Variants in GRIA2 observed in about 807,000 individuals in gnomAD.
GRIA2 encodes glutamate receptor 2.
GRIA2 carries 14 observed loss-of-function variants against 97.3 expected under a neutral mutation model. That is an observed-to-expected ratio of 0.14 (90% CI 0.10 to 0.23). The LOEUF is 0.23. Among genes scored for constraint, GRIA2 ranks in the 10% least tolerant of loss-of-function variants. The pLI is 1.00. For missense variants in GRIA2, 558 were observed against 1,069.8 expected (o/e 0.52, Z 6.67); for synonymous variants, 412 against 387.8 (o/e 1.06, Z -0.73).
chr4:157,265,854 A>C (rs2126778831), intron 2 of GRIA2, among the ~76,000 whole-genome samples: 1 of 152,262 alleles, frequency 6.6e-6, no homozygotes, highest in African/African-American at 2.4e-5. Context: ...ATATTTAAGC[A>C]TAGTTCAGAA....
At chr4:157,238,846 G>T (rs1400187295) in intron 2 of GRIA2, among the ~76,000 whole-genome samples, 1 of 151,976 alleles carries the variant, frequency 6.6e-6, no homozygotes, top group African/African-American at 2.4e-5. Context: ...TTCATACCCT[G>T]TGCATCATTG....
chr4:157,365,444 C>T lies in GRIA2; in HGVS notation c.*2013C>T, dbSNP rs773394892. 6.6e-6 allele frequency: 1 copy of T among 151,924 alleles called. No individual in the cohort carries two copies. The highest frequency in any genetic ancestry group is 1.5e-5 in the Non-Finnish European group (1 of 67,616). The allele number at this position is 151,924 out of a possible 1,614,324, so 9.4% of individuals were successfully genotyped here. A position where few individuals can be genotyped will look rare whatever the true frequency, so the allele number is the denominator to read the frequency against. On this transcript the variant is annotated 3_prime_UTR_variant, in exon 16 of 16. Transcript: ENST00000264426. The stretch of plus-strand genomic sequence containing the variant: ...ACAATCAATGCTATTTATTGTACCT[C>T]TGGGCCTACTCTTCTAAAAATTGTA...
At chr4:157,268,328 T>C (rs947429750) in intron 2 of GRIA2, among the ~76,000 whole-genome samples, 12 of 152,182 alleles carry the variant, frequency 7.9e-5, no homozygotes, top group African/African-American at 2.6e-4. Context: ...GTTAATAGTA[T>C]CAAATATTAT....
chr4:157,252,697 A>G (rs1731069469), intron 2 of GRIA2, among the ~76,000 whole-genome samples: 1 of 152,286 alleles, frequency 6.6e-6, no homozygotes, highest in Admixed American at 6.5e-5. Flanking sequence ...GATCCAGTCA[A>G]GCACAAGATA....
At chr4:157,272,531 G>A (rs1732080180) in intron 2 of GRIA2, among the ~76,000 whole-genome samples, 2 of 152,036 alleles carry the variant, frequency 1.3e-5, no homozygotes, top group Admixed American at 1.3e-4. Flanking sequence ...AAACTCCAGG[G>A]AGACCCAGTC....
intron 2 of GRIA2, among the ~76,000 whole-genome samples, chr4:157,282,421 G>A (rs1732647998): frequency 6.6e-6 from 1 of 152,118 alleles, no homozygotes; most frequent in Non-Finnish European, 1.5e-5. Context: ...GTCTTTAGAA[G>A]GAAGACAGTT....
At chr4:157,259,620 C>T (rs1169046160) in intron 2 of GRIA2, among the ~76,000 whole-genome samples, 1 of 152,010 alleles carries the variant, frequency 6.6e-6, no homozygotes, top group East Asian at 1.9e-4. Flanking sequence ...TTATATGATT[C>T]TGTTTTCTGT....
intron 2 of GRIA2, among the ~76,000 whole-genome samples, chr4:157,275,630 G>A (rs10008831): frequency 5.3e-5 from 8 of 151,826 alleles, no homozygotes; most frequent in Non-Finnish European, 8.8e-5. Flanking sequence ...TAGGGAATCC[G>A]TTCCCCATTT....
intron 3 of GRIA2, among the ~76,000 whole-genome samples, chr4:157,308,694 A>G (rs963546255): frequency 2.6e-5 from 4 of 152,216 alleles, no homozygotes; most frequent in Non-Finnish European, 4.4e-5. Flanking sequence ...CCCATTGTCT[A>G]TACAACTTTG....
chr4:157,302,581 G>C (rs1733662700), intron 2 of GRIA2, among the ~76,000 whole-genome samples: 1 of 152,078 alleles, frequency 6.6e-6, no homozygotes, highest in South Asian at 2.1e-4. Context: ...AATAATTATA[G>C]TTCCTACCTC....
intron 2 of GRIA2, among the ~76,000 whole-genome samples, chr4:157,248,640 T>C (rs1176719660): frequency 7.0e-6 from 1 of 143,414 alleles, no homozygotes; most frequent in African/African-American, 2.5e-5. Flanking sequence ...TATATACACC[T>C]GTATATATAT....
Position 157,364,376 on chromosome 4 carries a change from G to C in GRIA2, c.*945G>C, listed in dbSNP as rs1258884853. 4 of 152,242 alleles carry C rather than the reference G, an allele frequency of 2.6e-5. No homozygotes were observed. The highest frequency in any genetic ancestry group is 5.9e-5 in the Non-Finnish European group (4 of 67,922). 9.4% of individuals were successfully genotyped at this position (152,242 alleles called of 1,614,324 possible). ...ACACTACCAAGTTGTTAGGTGCCCAGAGAAAATTTCTCCCTTTTAAAAAGG... is the reference window on the plus strand; with the variant it reads ...ACACTACCAAGTTGTTAGGTGCCCACAGAAAATTTCTCCCTTTTAAAAAGG... On this transcript the variant is annotated 3_prime_UTR_variant, in exon 16 of 16. Coordinates refer to ENST00000264426, the MANE Select transcript of GRIA2 (RefSeq NM_001083619.3).
chr4:157,297,671 G>T (rs988708745), intron 2 of GRIA2, among the ~76,000 whole-genome samples: 2 of 151,990 alleles, frequency 1.3e-5, no homozygotes, highest in Non-Finnish European at 2.9e-5. Context: ...GGTCAGAGCC[G>T]CCCAAGATTC....
At chr4:157,274,883 A>G (rs1259578053) in intron 2 of GRIA2, among the ~76,000 whole-genome samples, 1 of 151,706 alleles carries the variant, frequency 6.6e-6, no homozygotes, top group African/African-American at 2.4e-5. Context: ...GTATATACCC[A>G]GTAATGGGAT....
At chr4:157,298,641 G>GAGAGAACT (rs1733469749) in intron 2 of GRIA2, among the ~76,000 whole-genome samples, 1 of 69,056 alleles carries the variant, frequency 1.4e-5, no homozygotes. Flanking sequence ...TTTTTTTTGA[G>GAGAGAACT]AGAGAACTAT....
At chr4:157,301,223 T>C (rs565009285) in intron 2 of GRIA2, among the ~76,000 whole-genome samples, 1 of 152,312 alleles carries the variant, frequency 6.6e-6, no homozygotes, top group Admixed American at 6.5e-5. Context: ...CATACACTTA[T>C]GTATAAAATA....
Position 157,317,813 on chromosome 4 carries a change from C to G in GRIA2, c.720+102C>G, listed in dbSNP as rs1033693438. Reference sequence around the variant, plus strand: ...TTTATCAGTGGTGTTTTAAAAAATACAGTTTGATTGTAATTAGCCAGGTGT... The same window carrying G: ...TTTATCAGTGGTGTTTTAAAAAATAGAGTTTGATTGTAATTAGCCAGGTGT... On this transcript the variant is annotated intron_variant, in intron 5 of 15. Transcript: ENST00000264426. The G allele has an allele frequency of 1.9e-5, 11 of 579,168 alleles. No individual in the cohort carries two copies. The African/African-American group carries it at 1.9e-4, about 10-fold the overall frequency. The allele number at this position is 579,168 out of a possible 1,614,324, so 35.9% of individuals were successfully genotyped here. A position where few individuals can be genotyped will look rare whatever the true frequency, so the allele number is the denominator to read the frequency against.
chr4:157,337,331 A>G (rs1411428280), intron 11 of GRIA2, among the ~76,000 whole-genome samples: 1 of 152,030 alleles, frequency 6.6e-6, no homozygotes, highest in African/African-American at 2.4e-5. Context: ...ACCTGTCCAT[A>G]TCGAATGGTA....
At chr4:157,248,547 G>GTGTGTGTATATATATA (rs1561009256) in intron 2 of GRIA2, among the ~76,000 whole-genome samples, 10 of 2,642 alleles carry the variant, frequency 3.8e-3, no homozygotes, top group Non-Finnish European at 7.3e-3. Context: ...GTTTATGTGT[G>GTGTGTGTATATATATA]TGTGTGTATA....
Sources: gnomAD v4.1 joint callset for allele counts (sites outside exome capture counted in the v4.1 genomes callset) on GRCh38, gnomAD v4.1.1 for gene constraint, MANE v1.5 for transcripts, NCBI Gene and HGNC (gene_info 2026-07-23, HGNC 2026-07-21) for gene names.